Variants in GALNT1 observed in about 807,000 individuals in gnomAD.
GALNT1 encodes GalNAc transferase 1.
In GALNT1, 17 loss-of-function variants were observed where a neutral mutation model predicts 65.7. The ratio of observed to expected loss-of-function variants is 0.26; its 90% CI spans 0.18 to 0.39. The LOEUF is 0.39. GALNT1 is among the 10% of genes least tolerant of loss of function. GALNT1 has a pLI of 1.00. For missense variants in GALNT1, 460 were observed against 672.8 expected, an observed-to-expected ratio of 0.68 and a Z score of 3.50; for synonymous variants, 210 against 219.7, an observed-to-expected ratio of 0.96 and a Z score of 0.39.
chr18:35,655,415 GAT>G (rs779417801), intron 2 of GALNT1, among the ~76,000 whole-genome samples: 60 of 151,110 alleles, frequency 4.0e-4, no homozygotes, highest in Non-Finnish European at 7.8e-4. Context: ...AGGTAGTACT[GAT>G]ATTTTTGGCA....
chr18:35,685,623 G>T lies in GALNT1; in HGVS notation c.690-1393G>T, dbSNP rs1344608704. Among the ~76,000 whole-genome samples, 2 of 152,138 alleles carry T rather than the reference G, an allele frequency of 1.3e-5. 1 individual carries two copies. The highest frequency in any genetic ancestry group is 1.3e-4 in the Admixed American group (2 of 15,274). ...TTATTAGAAGTCTTTCTTAGGTTTT[G>T]CAGTACTACAGTAAATAAAGAACAT... On this transcript the variant is annotated intron_variant, in intron 5 of 11. Coordinates refer to ENST00000269195, the MANE Select transcript of GALNT1 (RefSeq NM_020474.4).
At chr18:35,600,718 T>C (rs1259220249) in intron 1 of GALNT1, among the ~76,000 whole-genome samples, 3 of 152,126 alleles carry the variant, frequency 2.0e-5, no homozygotes, top group Non-Finnish European at 2.9e-5. Context: ...ATTAACATTC[T>C]ATTAATGTGA....
chr18:35,643,792 A>G (rs559680417), intron 1 of GALNT1, among the ~76,000 whole-genome samples: 1 of 145,306 alleles, frequency 6.9e-6, no homozygotes, highest in East Asian at 2.0e-4. Context: ...AGTGAGACTG[A>G]CTCAAAAAAA....
intron 2 of GALNT1, among the ~76,000 whole-genome samples, chr18:35,655,839 C>A (rs573934265): frequency 4.7e-4 from 71 of 152,262 alleles, no homozygotes; most frequent in African/African-American, 1.6e-3. Flanking sequence ...TTTATATCTT[C>A]TTGGGAAATC....
intron 1 of GALNT1, among the ~76,000 whole-genome samples, chr18:35,615,192 TAAG>T (rs1169799242): frequency 6.6e-6 from 1 of 152,164 alleles, no homozygotes; most frequent in African/African-American, 2.4e-5. Flanking sequence ...TACAAGATTT[TAAG>T]ATAGTGTAAA....
intron 1 of GALNT1, among the ~76,000 whole-genome samples, chr18:35,650,496 C>T (rs960006447): frequency 6.6e-6 from 1 of 152,244 alleles, no homozygotes; most frequent in South Asian, 2.1e-4. Flanking sequence ...ATTTACTAGG[C>T]GGGAATTTCC....
intron 10 of GALNT1, 21 bp from the exon 11 acceptor site, chr18:35,703,488 T>G: frequency 6.2e-7 from 1 of 1,609,248 alleles, no homozygotes; most frequent in Non-Finnish European, 8.5e-7. Flanking sequence ...TCTGTTTATG[T>G]GTGTGCATTT....
chr18:35,669,313 C>T (rs2047596555), intron 3 of GALNT1, among the ~76,000 whole-genome samples: 1 of 152,188 alleles, frequency 6.6e-6, no homozygotes, highest in Non-Finnish European at 1.5e-5. Context: ...GCATAGATGG[C>T]TTTGCCAATG....
chr18:35,650,955 T>C (rs59976659), intron 1 of GALNT1, among the ~76,000 whole-genome samples: 2,405 of 152,270 alleles, frequency 0.016, 30 homozygotes, highest in African/African-American at 0.028. Flanking sequence ...GGGGAAGTGA[T>C]AAGTGTCCAA....
At chr18:35,672,466 G>A (rs1468512488) in intron 3 of GALNT1, among the ~76,000 whole-genome samples, 1 of 152,154 alleles carries the variant, frequency 6.6e-6, no homozygotes, top group African/African-American at 2.4e-5. Flanking sequence ...GAATGGTGTG[G>A]GATGGCCCTT....
chr18:35,703,385 A>T, intron 10 of GALNT1, 124 bp from the exon 11 acceptor site: 1 of 870,736 alleles, frequency 1.1e-6, no homozygotes, highest in Non-Finnish European at 1.7e-6. Context: ...ATTCTTCATT[A>T]CTTTAATAAA....
rs138142519 is a variant in GALNT1, at chr18:35,635,569, C to T, written c.-103-18991C>T. Among the ~76,000 whole-genome samples the T allele has an allele frequency of 3.4e-4, 52 of 152,228 alleles. No individual in the cohort carries two copies. In the South Asian group the frequency reaches 7.7e-3, roughly 22 times the overall value. ...AGAGATTAGCACAACCTAAGTAAAA[C>T]GGACCTGCTGTGTTAACTCGATTCA... On this transcript the variant is annotated intron_variant, in intron 1 of 11. Transcript: ENST00000269195.
At chr18:35,618,637 TAGC>T (rs981642180) in intron 1 of GALNT1, among the ~76,000 whole-genome samples, 5 of 152,168 alleles carry the variant, frequency 3.3e-5, no homozygotes, top group African/African-American at 1.2e-4. Flanking sequence ...GTGAATTAAA[TAGC>T]AGGTTTATTT....
chr18:35,613,610 C>T (rs1441052406), intron 1 of GALNT1, among the ~76,000 whole-genome samples: 1 of 152,038 alleles, frequency 6.6e-6, no homozygotes, highest in Admixed American at 6.6e-5. Flanking sequence ...CAGACGGTGT[C>T]TAGGGATCAA....
At chr18:35,621,541 CTT>C (rs1491399655) in intron 1 of GALNT1, among the ~76,000 whole-genome samples, 65 of 124,908 alleles carry the variant, frequency 5.2e-4, no homozygotes, top group African/African-American at 2.2e-3. Context: ...TGATACTAAT[CTT>C]TTGTTCATTA....
At chr18:35,592,309 T>A (rs1010929540) in intron 1 of GALNT1, among the ~76,000 whole-genome samples, 1 of 152,064 alleles carries the variant, frequency 6.6e-6, no homozygotes. Flanking sequence ...ATGAGGAAGA[T>A]AAAAATAGAA....
At chr18:35,668,838 A>T (rs1294256830) in intron 3 of GALNT1, among the ~76,000 whole-genome samples, 1 of 152,248 alleles carries the variant, frequency 6.6e-6, no homozygotes, top group Non-Finnish European at 1.5e-5. Flanking sequence ...CCAATTTTTT[A>T]AAATTTAGAT....
intron 4 of GALNT1, among the ~76,000 whole-genome samples, chr18:35,679,224 C>A (rs1159319887): frequency 3.3e-5 from 5 of 152,122 alleles, no homozygotes; most frequent in Admixed American, 2.0e-4. Flanking sequence ...AAACATTTAT[C>A]CTGCAAATGA....
chr18:35,595,309 T>C (rs2046491925), intron 1 of GALNT1, among the ~76,000 whole-genome samples: 1 of 152,292 alleles, frequency 6.6e-6, no homozygotes, highest in African/African-American at 2.4e-5. Context: ...CACACAGAGA[T>C]GCTGGCCCTG....
Sources: allele counts gnomAD v4.1 joint callset (sites outside exome capture counted in the v4.1 genomes callset), GRCh38; gene constraint gnomAD v4.1.1; transcripts MANE v1.5; gene names NCBI Gene and HGNC (gene_info 2026-07-23, HGNC 2026-07-21).